ZFPM2: variants seen among roughly 807,000 people sequenced by gnomAD.
The protein encoded by ZFPM2 is zinc finger protein ZFPM2.
In ZFPM2, 20 loss-of-function variants were observed where a neutral mutation model predicts 98.6. That is an observed-to-expected ratio of 0.20 (90% CI 0.14 to 0.29). ZFPM2 has a LOEUF of 0.29. Ranked by LOEUF, ZFPM2 falls within the 10% of genes least tolerant of loss-of-function variation. The pLI, the probability that ZFPM2 is intolerant of heterozygous loss-of-function variation, is 1.00. For synonymous variants in ZFPM2, 518 were observed against 502.7 expected, an observed-to-expected ratio of 1.03 and a Z score of -0.41; for missense variants, 1,310 against 1,388.6, an observed-to-expected ratio of 0.94 and a Z score of 0.90.
At chr8:105,561,713 G>A (rs1285044171) in intron 4 of ZFPM2, among the ~76,000 whole-genome samples, 2 of 152,124 alleles carry the variant, frequency 1.3e-5, no homozygotes, top group African/African-American at 4.8e-5. Context: ...TGGCTAGTAA[G>A]GTAATATGTA....
chr8:105,657,099 C>A (rs1317605797), intron 5 of ZFPM2, among the ~76,000 whole-genome samples: 2 of 151,920 alleles, frequency 1.3e-5, no homozygotes, highest in Non-Finnish European at 2.9e-5. Context: ...GGTTAAGGAG[C>A]GAGATAAATT....
At chr8:105,533,734 TTTCCTTCCTTCC>T (rs1425436799) in intron 3 of ZFPM2, among the ~76,000 whole-genome samples, 1 of 84,440 alleles carries the variant, frequency 1.2e-5, no homozygotes, top group East Asian at 4.6e-4. Context: ...CCCTCCCTTC[TTTCCTTCCTTCC>T]TTTCTTCCTA....
intron 3 of ZFPM2, among the ~76,000 whole-genome samples, chr8:105,508,863 T>TAAAA (rs1359631541): frequency 7.4e-5 from 11 of 149,422 alleles, no homozygotes; most frequent in Admixed American, 2.0e-4. Context: ...AAAAAAAAAT[T>TAAAA]TTTTTTTTAA....
chr8:105,706,406 T>A (rs1811261529), intron 5 of ZFPM2, among the ~76,000 whole-genome samples: 1 of 152,320 alleles, frequency 6.6e-6, no homozygotes, highest in South Asian at 2.1e-4. Context: ...TTCATTTTAG[T>A]CAACTTGATT....
intron 3 of ZFPM2, among the ~76,000 whole-genome samples, chr8:105,525,683 T>C (rs561462158): frequency 6.6e-6 from 1 of 152,306 alleles, no homozygotes; most frequent in Non-Finnish European, 1.5e-5. Flanking sequence ...TTAATGAAAA[T>C]AGGCATAGCA....
rs191508091 is a variant in ZFPM2, at chr8:105,694,194, G to A, written c.532+59837G>A. Among the ~76,000 whole-genome samples the A allele has an allele frequency of 7.6e-3, 1,155 of 151,698 alleles. 23 individuals carry two copies. The East Asian group carries it at 0.1, about 13-fold the overall frequency. The stretch of plus-strand genomic sequence containing the variant: ...GTAGAGACGGGGTTTCGCTGTGTTA[G>A]CCAGGATGGTCTCAATCTCCTGACC... On this transcript the variant is annotated intron_variant, in intron 5 of 7. Coordinates refer to ENST00000407775, the MANE Select transcript of ZFPM2 (RefSeq NM_012082.4).
intron 5 of ZFPM2, among the ~76,000 whole-genome samples, chr8:105,677,466 CA>C (rs1460132412): frequency 1.3e-5 from 2 of 152,114 alleles, no homozygotes. Flanking sequence ...CGAATCATCA[CA>C]AAACAATGAT....
chr8:105,379,127 A>C (rs1325070565), intron 1 of ZFPM2, among the ~76,000 whole-genome samples: 1 of 152,196 alleles, frequency 6.6e-6, no homozygotes, highest in Non-Finnish European at 1.5e-5. Flanking sequence ...TTAAAATTTC[A>C]AAAAAATTGT....
At chr8:105,588,516 A>G (rs1337303791) in intron 4 of ZFPM2, among the ~76,000 whole-genome samples, 3 of 152,194 alleles carry the variant, frequency 2.0e-5, no homozygotes, top group African/African-American at 4.8e-5. Context: ...ACTTCGTTAC[A>G]TAAGATTCTT....
At chr8:105,604,740 C>T (rs577512204) in intron 4 of ZFPM2, among the ~76,000 whole-genome samples, 1 of 152,166 alleles carries the variant, frequency 6.6e-6, no homozygotes, top group South Asian at 2.1e-4. Context: ...CAGATGTTCT[C>T]TCTGATACAG....
intron 5 of ZFPM2, among the ~76,000 whole-genome samples, chr8:105,673,229 A>G (rs1817629340): frequency 2.0e-5 from 2 of 100,838 alleles, no homozygotes. Context: ...TTACTTATAT[A>G]CCTTGTCTAA....
intron 3 of ZFPM2, among the ~76,000 whole-genome samples, chr8:105,537,494 A>G (rs559820630): frequency 6.6e-6 from 1 of 152,254 alleles, no homozygotes; most frequent in African/African-American, 2.4e-5. Flanking sequence ...TGGACAACAT[A>G]GCAAAACCCT....
chr8:105,507,006 A>G (rs982092554), intron 3 of ZFPM2, among the ~76,000 whole-genome samples: 1 of 148,280 alleles, frequency 6.7e-6, no homozygotes, highest in African/African-American at 2.5e-5. Flanking sequence ...AAAAAAAAAC[A>G]AAAGAAAGTA....
At chr8:105,538,631 T>C (rs1249407422) in intron 3 of ZFPM2, among the ~76,000 whole-genome samples, 1 of 152,108 alleles carries the variant, frequency 6.6e-6, no homozygotes, top group East Asian at 1.9e-4. Context: ...TCCATATTAT[T>C]ATGGGCTTTT....
chr8:105,635,325 C>G (rs1170998379), intron 5 of ZFPM2, among the ~76,000 whole-genome samples: 1 of 152,080 alleles, frequency 6.6e-6, no homozygotes, highest in East Asian at 1.9e-4. Flanking sequence ...ACATCAAAGA[C>G]TCTTAAAAAC....
chr8:105,440,675 CG>C (rs1055970126), intron 2 of ZFPM2, among the ~76,000 whole-genome samples: 1 of 152,062 alleles, frequency 6.6e-6, no homozygotes, highest in African/African-American at 2.4e-5. Flanking sequence ...TCAAAAGACA[CG>C]AGAGAAGATG....
At chr8:105,615,874 T>C (rs1816403991) in intron 4 of ZFPM2, among the ~76,000 whole-genome samples, 1 of 152,120 alleles carries the variant, frequency 6.6e-6, no homozygotes, top group Non-Finnish European at 1.5e-5. Flanking sequence ...TTAGAAAATA[T>C]GTATAACTAG....
chr8:105,722,532 C>T (rs947582157), intron 5 of ZFPM2, among the ~76,000 whole-genome samples: 4 of 151,804 alleles, frequency 2.6e-5, no homozygotes, highest in Admixed American at 2.6e-4. Context: ...AATTGATTAA[C>T]ACATATTTTG....
chr8:105,560,889 T>C (rs1448532890), intron 3 of ZFPM2, among the ~76,000 whole-genome samples: 2 of 152,188 alleles, frequency 1.3e-5, no homozygotes, highest in East Asian at 3.8e-4. Flanking sequence ...TGCTATATAT[T>C]GTACATGTAG....
Sources: allele counts gnomAD v4.1 joint callset (sites outside exome capture counted in the v4.1 genomes callset), GRCh38; gene constraint gnomAD v4.1.1; transcripts MANE v1.5; gene names NCBI Gene and HGNC (gene_info 2026-07-23, HGNC 2026-07-21).